Variants in MMP2 observed in about 807,000 individuals in gnomAD.
MMP2 encodes the protein 72 kDa type IV collagenase.
Under a neutral mutation model 74.8 loss-of-function variants are expected in MMP2, and 39 were observed. The ratio of observed to expected loss-of-function variants is 0.52; its 90% confidence interval spans 0.40 to 0.68. The LOEUF (loss-of-function observed/expected upper bound fraction) is 0.68, where lower values mean the gene tolerates loss of function less well. Ranked by LOEUF, MMP2 falls within the 30% of genes least tolerant of loss-of-function variation. The probability of loss-of-function intolerance (pLI) is 0.00; values close to 1 mark genes in which losing one functional copy is unlikely to be tolerated. For synonymous variants in MMP2, 367 were observed against 339.8 expected, an observed-to-expected ratio of 1.08 and a Z score of -0.88; for missense variants, 803 against 878.3, an observed-to-expected ratio of 0.91 and a Z score of 1.08.
In MMP2 at chr16:55,479,316, G is replaced by A. The variant is rs1292358626; in HGVS notation, c.-164G>A. ...CGGCGGCGGGGGCTGGGGCGCGGGG[G>A]CCGGACCATGAGCCGCTGAGCCGGG... On this transcript the variant is annotated 5_prime_UTR_variant, in exon 1 of 13. Transcript: ENST00000219070. 2.6e-6 allele frequency: 2 copies of A among 771,554 alleles called. No individual in the cohort carries two copies. The highest frequency in any genetic ancestry group is 3.5e-6 in the Non-Finnish European group (2 of 573,550). 47.8% of individuals were successfully genotyped at this position (771,554 alleles called of 1,614,324 possible).
At chr16:55,483,527 G>T (rs1373789242) in intron 2 of MMP2, among the ~76,000 whole-genome samples, 1 of 152,174 alleles carries the variant, frequency 6.6e-6, no homozygotes, top group East Asian at 1.9e-4. Flanking sequence ...ATTGGGATGG[G>T]CAGAAGGAAC....
intron 8 of MMP2, 38 bp downstream of exon 8, chr16:55,491,994 GA>G: frequency 7.8e-7 from 1 of 1,281,240 alleles, no homozygotes; most frequent in Non-Finnish European, 1.1e-6. Context: ...GGAGGGTGAG[GA>G]GGGGGGAGGT....
At chr16:55,495,234 G>A (rs1406746652) in intron 9 of MMP2, among the ~76,000 whole-genome samples, 1 of 152,224 alleles carries the variant, frequency 6.6e-6, no homozygotes, top group Non-Finnish European at 1.5e-5. Flanking sequence ...ATCTGGCAAT[G>A]TGCTTCATCT....
Position 55,502,785 on chromosome 16 carries a change from T to C in MMP2, c.1776T>C (p.Asn592=), listed in dbSNP as rs1567383036. 7 of 1,613,108 alleles carry C rather than the reference T, an allele frequency of 4.3e-6. No homozygotes were observed. The highest frequency in any genetic ancestry group is 5.9e-6 in the Non-Finnish European group (7 of 1,179,192). Reference sequence around the variant, plus strand: ...TGTGTCTGTTTCTTTACAGATACAATGAGGTGAAGAAGAAAATGGATCCTG... The same window carrying C: ...TGTGTCTGTTTCTTTACAGATACAACGAGGTGAAGAAGAAAATGGATCCTG... The part of the protein sequence containing the change: ...IFAGDKFWRY[N]EVKKKMDPGF... Residue 592 remains asparagine (N), a synonymous_variant, in exon 12 of 13, where the codon AAT becomes AAC. Coordinates refer to ENST00000219070, the MANE Select transcript of MMP2 (RefSeq NM_004530.6).
chr16:55,491,373 G>A (rs1232012103), intron 7 of MMP2, among the ~76,000 whole-genome samples: 1 of 152,088 alleles, frequency 6.6e-6, no homozygotes, highest in African/African-American at 2.4e-5. Context: ...GCAACATGGG[G>A]CCAGCCTATC....
At chr16:55,495,759 G>A (rs572326401) in intron 9 of MMP2, among the ~76,000 whole-genome samples, 1 of 152,306 alleles carries the variant, frequency 6.6e-6, no homozygotes, top group South Asian at 2.1e-4. Flanking sequence ...GGGTAGAGCT[G>A]CCTGCAGGGG....
At chr16:55,501,399 C>G (rs1264997463) in intron 11 of MMP2, among the ~76,000 whole-genome samples, 1 of 152,212 alleles carries the variant, frequency 6.6e-6, no homozygotes. Context: ...TCTGCCATCC[C>G]CACCTTCTGT....
intron 3 of MMP2, 108 bp from the exon 4 acceptor site, chr16:55,485,190 AG>A: frequency 6.7e-7 from 1 of 1,490,082 alleles, no homozygotes; most frequent in Non-Finnish European, 9.4e-7. Flanking sequence ...GGACAAGGGA[AG>A]GGGACAGATG....
At chr16:55,504,211 G>C (rs1567383867) in intron 12 of MMP2, among the ~76,000 whole-genome samples, 1 of 152,064 alleles carries the variant, frequency 6.6e-6, no homozygotes. Context: ...AGATATTCTA[G>C]TTTTTTTAAA....
At chr16:55,498,220 A>T in intron 10 of MMP2, 69 bp from the exon 11 acceptor site, 1 of 1,596,156 alleles carries the variant, frequency 6.3e-7, no homozygotes. Flanking sequence ...GGACAGACAG[A>T]TGATGGGAGG....
At chr16:55,485,274 C>G in intron 3 of MMP2, 25 bp from the exon 4 acceptor site, 1 of 1,614,002 alleles carries the variant, frequency 6.2e-7, no homozygotes, top group Non-Finnish European at 8.5e-7. Context: ...CACAGCTAGA[C>G]GCTAAGACCC....
intron 8 of MMP2, 95 bp from the exon 9 acceptor site, chr16:55,493,063 A>T: frequency 1.3e-6 from 2 of 1,484,336 alleles, no homozygotes; most frequent in South Asian, 2.3e-5. Context: ...ATTTCTTCTG[A>T]CTCTTAGATG....
intron 1 of MMP2, among the ~76,000 whole-genome samples, chr16:55,482,620 G>A: frequency 6.6e-6 from 1 of 152,180 alleles, no homozygotes; most frequent in East Asian, 1.9e-4. Context: ...AGAGTTTTGA[G>A]CATTAAATGA....
Position 55,488,673 on chromosome 16 carries a change from G to A in MMP2, c.963G>A (p.Glu321=), listed in dbSNP as rs371712644. The A allele has an allele frequency of 2.5e-6, 4 of 1,612,444 alleles. No homozygotes were observed. The highest frequency in any genetic ancestry group is 1.3e-5 in the African/African-American group (1 of 74,954). The change falls in exon 6 of 13, where the codon GAG becomes GAA. Residue 321 remains glutamate (E), a synonymous_variant. Transcript: ENST00000219070. ...GCTACCGCTGGTGCGGCACCACTGA[G>A]GACTACGACCGCGACAAGAAGTATG... ...TDGYRWCGTT[E]DYDRDKKYGF... is the part of the protein sequence containing the mutation.
At chr16:55,498,481 A>G in intron 11 of MMP2, 33 bp downstream of exon 11, 3 of 1,613,886 alleles carry the variant, frequency 1.9e-6, no homozygotes, top group Non-Finnish European at 1.7e-6. Flanking sequence ...ACAGCAGCAC[A>G]GTTGGCTGCG....
chr16:55,491,996 G>A lies in MMP2; in HGVS notation c.1336+40G>A, dbSNP rs17859934. 3.0e-3 allele frequency: 4,248 copies of A among 1,408,342 alleles called. 127 individuals carry two copies. In the African/African-American group the frequency reaches 0.054, roughly 18 times the overall value. 87.2% of individuals were successfully genotyped at this position (1,408,342 alleles called of 1,614,324 possible). A position where few individuals can be genotyped will look rare whatever the true frequency, so the allele number is the denominator to read the frequency against. Reference sequence around the variant, plus strand: ...GGGGGTTGGGGGTGGAGGGTGAGGAGGGGGGAGGTCATGTAGCCTGGGATG... The same window carrying A: ...GGGGGTTGGGGGTGGAGGGTGAGGAAGGGGGAGGTCATGTAGCCTGGGATG... On this transcript the variant is annotated intron_variant, in intron 8 of 12. Transcript: ENST00000219070.
At position 55,479,290 on chromosome 16, in the gene MMP2, GC is replaced by G; in HGVS notation, c.-189del. The G allele has an allele frequency of 2.0e-6, 1 of 497,324 alleles. No homozygotes were observed. Among genetic ancestry groups the G allele is most frequent in the Non-Finnish European group, 3.0e-6 (1 of 331,208 alleles). 30.8% of individuals were successfully genotyped at this position (497,324 alleles called of 1,614,324 possible). On this transcript the variant is annotated 5_prime_UTR_variant, in exon 1 of 13. Coordinates refer to ENST00000219070, the MANE Select transcript of MMP2 (RefSeq NM_004530.6). The stretch of plus-strand genomic sequence containing the variant: ...ATTGCCAGGACCTGCGGCGGCGGCG[GC>G]GGCGGCGGGGGCTGGGGCGCGGGGG...
At chr16:55,505,147 G>A (rs544943323) in intron 12 of MMP2, among the ~76,000 whole-genome samples, 192 bp from the exon 13 acceptor site, 4 of 151,846 alleles carry the variant, frequency 2.6e-5, no homozygotes, top group Admixed American at 6.6e-5. Context: ...AGAAATGGGG[G>A]TCTCTCTATG....
At chr16:55,490,108 AG>A (rs1962367988) in intron 7 of MMP2, among the ~76,000 whole-genome samples, 1 of 152,114 alleles carries the variant, frequency 6.6e-6, no homozygotes, top group Non-Finnish European at 1.5e-5. Flanking sequence ...GGCCTTCCTG[AG>A]GGGTCACTGC....
Sources: gnomAD v4.1 joint callset for allele counts (sites outside exome capture counted in the v4.1 genomes callset) on GRCh38, gnomAD v4.1.1 for gene constraint, MANE v1.5 for transcripts, NCBI Gene and HGNC (gene_info 2026-07-23, HGNC 2026-07-21) for gene names.